Variants in PHACTR1 observed in about 807,000 individuals in gnomAD.
PHACTR1 encodes phosphatase and actin regulator 1.
A neutral mutation model predicts 69.2 loss-of-function variants in PHACTR1; 16 were observed. That is an observed-to-expected ratio of 0.23 (90% CI 0.16 to 0.35). The LOEUF is 0.35. Ranked by LOEUF, PHACTR1 falls within the 10% of genes least tolerant of loss-of-function variation. The pLI is 1.00. For synonymous variants in PHACTR1, 312 were observed against 284.5 expected, an observed-to-expected ratio of 1.10 and a Z score of -0.97; for missense variants, 510 against 734.7, an observed-to-expected ratio of 0.69 and a Z score of 3.54.
intron 5 of PHACTR1, among the ~76,000 whole-genome samples, chr6:13,065,239 A>G (rs1561777899): frequency 6.6e-6 from 1 of 152,126 alleles, no homozygotes. Flanking sequence ...CTCCAAAGAG[A>G]GAAAGTAAAG....
At position 12,970,620 on chromosome 6, in the gene PHACTR1, G is replaced by A. The variant is rs551270931; in HGVS notation, c.251-82745G>A. ...AAAATACAAAAATTAGCCAGGCGTGGTGGTGTGTGCCTGTAGTCCCAGCTA... is the reference window on the plus strand; with the variant it reads ...AAAATACAAAAATTAGCCAGGCGTGATGGTGTGTGCCTGTAGTCCCAGCTA... On this transcript the variant is annotated intron_variant, in intron 4 of 14. Coordinates refer to ENST00000332995, the MANE Select transcript of PHACTR1 (RefSeq NM_030948.6). Among the ~76,000 whole-genome samples the A allele has an allele frequency of 3.0e-4, 45 of 152,266 alleles. 1 individual carries two copies. In the South Asian group the frequency reaches 9.3e-3, roughly 32 times the overall value.
rs535732855 is a variant in PHACTR1 at position 12,864,165 on chromosome 6, C to T, written c.250+114375C>T. 2.6e-5 allele frequency among the ~76,000 whole-genome samples: 4 copies of T among 152,220 alleles called. No homozygotes were observed. In the South Asian group the frequency reaches 8.3e-4, roughly 32 times the overall value. ...TGAGTGTCAATCACAAATAAGGAAG[C>T]GAGGATGTGGGTACACAAATTCAGT... On this transcript the variant is annotated intron_variant, in intron 4 of 14. Transcript: ENST00000332995.
intron 4 of PHACTR1, among the ~76,000 whole-genome samples, chr6:13,009,860 GCCACCACCACCA>G (rs142689950): frequency 4.8e-5 from 7 of 145,596 alleles, no homozygotes; most frequent in South Asian, 2.3e-4. Context: ...TCCCTACACT[GCCACCACCACCA>G]CCACCACCAC....
In PHACTR1 at chr6:12,737,264, G is replaced by A. The variant is rs530586065; in HGVS notation, c.104-12380G>A. On this transcript the variant is annotated intron_variant, in intron 3 of 14. Transcript: ENST00000332995. ...ACAACTGCAGCACAATGCTATTTGT[G>A]TATCTAAATATAGAAAAGGTACTGT... is the stretch of plus-strand genomic sequence containing the variant. 1.6e-4 allele frequency among the ~76,000 whole-genome samples: 24 copies of A among 152,124 alleles called. No homozygotes were observed. The South Asian group carries it at 4.8e-3, about 30-fold the overall frequency.
intron 7 of PHACTR1, chr6:13,184,710 G>C: frequency 9.3e-7 from 1 of 1,076,588 alleles, no homozygotes; most frequent in Non-Finnish European, 1.3e-6. Context: ...TGTGTTGCCA[G>C]CCCGAGTCCC....
chr6:12,967,639 G>A (rs1017424213), intron 4 of PHACTR1, among the ~76,000 whole-genome samples: 1 of 152,110 alleles, frequency 6.6e-6, no homozygotes, highest in African/African-American at 2.4e-5. Context: ...CAAAGGCTAT[G>A]ACAAAGAAAC....
rs1445395461 is a variant in PHACTR1, at chr6:13,286,199, T to C, written c.1704T>C (p.His568=). ...NEFKSTEMEV[H]ELSRHLTRFH... is the part of the protein sequence containing the mutation. ...TCAAAAGCACTGAGATGGAAGTTCA[T>C]GAATTGAGTAGACACTTAACAAGGT... The change falls in exon 14 of 15, where the codon CAT becomes CAC. Residue 568 remains histidine, a synonymous_variant. Transcript: ENST00000332995. The C allele has an allele frequency of 1.2e-6, 2 of 1,605,626 alleles. No individual in the cohort carries two copies. Among genetic ancestry groups the C allele is most frequent in the Non-Finnish European group, 1.7e-6 (2 of 1,176,478 alleles).
chr6:12,766,030 T>C (rs79081422), intron 4 of PHACTR1, among the ~76,000 whole-genome samples: 1,967 of 152,318 alleles, frequency 0.013, 65 homozygotes, highest in East Asian at 0.12. Context: ...TTTCTCCTCA[T>C]TGACTCGGAA....
At chr6:12,748,939 G>A (rs1766165276) in intron 3 of PHACTR1, among the ~76,000 whole-genome samples, 1 of 152,164 alleles carries the variant, frequency 6.6e-6, no homozygotes, top group African/African-American at 2.4e-5. Flanking sequence ...CCACCTCTAA[G>A]TTGTAAGGGG....
intron 5 of PHACTR1, among the ~76,000 whole-genome samples, chr6:13,132,074 C>T (rs1203115304): frequency 6.6e-6 from 1 of 152,160 alleles, no homozygotes; most frequent in African/African-American, 2.4e-5. Flanking sequence ...AAACAATTGA[C>T]TCTCATCTCA....
chr6:13,042,066 G>C (rs993308168), intron 4 of PHACTR1, among the ~76,000 whole-genome samples: 3 of 152,076 alleles, frequency 2.0e-5, no homozygotes, highest in Admixed American at 1.3e-4. Context: ...GAAAATAAAG[G>C]GTTCAACAGA....
chr6:13,060,032 C>T (rs934292108), intron 5 of PHACTR1, among the ~76,000 whole-genome samples: 3 of 151,994 alleles, frequency 2.0e-5, no homozygotes, highest in African/African-American at 7.3e-5. Context: ...GAGGAGGAGC[C>T]TGTAAAGGAG....
chr6:12,859,803 A>G (rs767516041), intron 4 of PHACTR1, among the ~76,000 whole-genome samples: 21 of 152,164 alleles, frequency 1.4e-4, no homozygotes, highest in Non-Finnish European at 2.8e-4. Context: ...ATTAACTAAC[A>G]TGGGCTCTAA....
At chr6:13,130,088 A>T (rs1036151910) in intron 5 of PHACTR1, among the ~76,000 whole-genome samples, 1 of 152,190 alleles carries the variant, frequency 6.6e-6, no homozygotes, top group Non-Finnish European at 1.5e-5. Context: ...ATGGAAATTT[A>T]AAAATTCTTT....
At chr6:13,045,758 G>C (rs1433572070) in intron 4 of PHACTR1, among the ~76,000 whole-genome samples, 1 of 152,190 alleles carries the variant, frequency 6.6e-6, no homozygotes, top group Non-Finnish European at 1.5e-5. Context: ...CCACTAAAGG[G>C]CAGCTCTGCC....
At chr6:12,824,522 A>G (rs1776572579) in intron 4 of PHACTR1, among the ~76,000 whole-genome samples, 1 of 152,166 alleles carries the variant, frequency 6.6e-6, no homozygotes, top group African/African-American at 2.4e-5. Flanking sequence ...TCTGCATACT[A>G]TTAAAGAGAA....
intron 8 of PHACTR1, among the ~76,000 whole-genome samples, chr6:13,212,043 G>T (rs1480652206): frequency 6.6e-6 from 1 of 152,340 alleles, no homozygotes; most frequent in East Asian, 1.9e-4. Context: ...TTCTTGGCTT[G>T]TAGGTGGTGT....
intron 6 of PHACTR1, among the ~76,000 whole-genome samples, chr6:13,162,149 G>A (rs770879297): frequency 6.6e-6 from 1 of 152,022 alleles, no homozygotes; most frequent in Non-Finnish European, 1.5e-5. Context: ...GCCCAGGCTG[G>A]AGTGCAATGG....
intron 4 of PHACTR1, among the ~76,000 whole-genome samples, chr6:13,017,764 T>C (rs1285763134): frequency 6.6e-6 from 1 of 152,056 alleles, no homozygotes; most frequent in Non-Finnish European, 1.5e-5. Context: ...AATTATGTAT[T>C]AAGATGTAAT....
Sources: allele counts gnomAD v4.1 joint callset (sites outside exome capture counted in the v4.1 genomes callset), GRCh38; gene constraint gnomAD v4.1.1; transcripts MANE v1.5; gene names NCBI Gene and HGNC (gene_info 2026-07-23, HGNC 2026-07-21).